CLN6: variants seen among roughly 807,000 people sequenced by gnomAD.
CLN6 encodes the protein ceroid-lipofuscinosis neuronal protein 6.
In CLN6, 22 loss-of-function variants were observed where a neutral mutation model predicts 33.3. The ratio of observed to expected loss-of-function variants is 0.66; its 90% CI spans 0.47 to 0.94. The LOEUF (loss-of-function observed/expected upper bound fraction) is 0.94, where lower values mean the gene tolerates loss of function less well. Ranked by LOEUF, CLN6 falls within the 40% of genes least tolerant of loss-of-function variation. The pLI, the probability that CLN6 is intolerant of heterozygous loss-of-function variation, is 0.00. For missense variants in CLN6, 387 were observed against 417.1 expected, an observed-to-expected ratio of 0.93 and a Z score of 0.63; for synonymous variants, 201 against 174.6, an observed-to-expected ratio of 1.15 and a Z score of -1.19.
In CLN6 at chr15:68,218,489, A is replaced by G. The variant is rs777091037; in HGVS notation, c.198+47T>C. On this transcript the variant is annotated intron_variant, in intron 2 of 6. Coordinates refer to ENST00000249806, the MANE Select transcript of CLN6 (RefSeq NM_017882.3). ...CACTCGGCAAATTCAAGCCACACTA[A>G]GTGTCCTCAGTGCTGGTCAGAGCCC... 5.1e-6 allele frequency: 7 copies of G among 1,360,348 alleles called. No homozygotes were observed. The African/African-American group carries it at 8.6e-5, about 17-fold the overall frequency. 84.3% of individuals were successfully genotyped at this position (1,360,348 alleles called of 1,614,324 possible). A position where few individuals can be genotyped will look rare whatever the true frequency, so the allele number is the denominator to read the frequency against.
intron 1 of CLN6, among the ~76,000 whole-genome samples, chr15:68,244,860 C>G (rs919010488): frequency 6.6e-6 from 1 of 151,862 alleles, no homozygotes. Context: ...TCGAGTCCAG[C>G]CTGACCAACA....
intron 1 of CLN6, among the ~76,000 whole-genome samples, chr15:68,222,291 C>T (rs1223321426): frequency 2.0e-5 from 3 of 147,230 alleles, no homozygotes; most frequent in African/African-American, 7.6e-5. Flanking sequence ...CTGGCCGCCA[C>T]CCCGTCTAGG....
chr15:68,250,456 C>G (rs887125679), intron 1 of CLN6, among the ~76,000 whole-genome samples: 1 of 151,798 alleles, frequency 6.6e-6, no homozygotes, highest in African/African-American at 2.4e-5. Flanking sequence ...GAAACCCCGT[C>G]TCTACTAAAA....
At chr15:68,253,814 T>TCAAA (rs3084580) in intron 1 of CLN6, among the ~76,000 whole-genome samples, 82,392 of 151,546 alleles carry the variant, frequency 0.54, 22,976 homozygotes, top group African/African-American at 0.6. Context: ...TCTATAAATC[T>TCAAA]CAAGTAAACT....
intron 1 of CLN6, among the ~76,000 whole-genome samples, chr15:68,237,243 G>A (rs1350494000): frequency 6.6e-5 from 10 of 151,668 alleles, no homozygotes; most frequent in Admixed American, 1.3e-4. Context: ...CACTTTGGGA[G>A]GCAGGGTGGG....
chr15:68,208,487 G>A lies in CLN6; in HGVS notation c.666-77C>T. 6.5e-7 allele frequency: 1 copy of A among 1,550,326 alleles called. No individual in the cohort carries two copies. Among genetic ancestry groups the A allele is most frequent in the Non-Finnish European group, 8.8e-7 (1 of 1,133,670 alleles). ...CTGGCATCCCTTCCTGTGTGCGAGAGCCAGGCTGCCCTCCAGGCAGGCAGA... is the reference window on the plus strand; with the variant it reads ...CTGGCATCCCTTCCTGTGTGCGAGAACCAGGCTGCCCTCCAGGCAGGCAGA... On this transcript the variant is annotated intron_variant, in intron 6 of 6. Coordinates refer to ENST00000249806, the MANE Select transcript of CLN6 (RefSeq NM_017882.3). This position sits in a 1 kb window ranked among gnomAD's most constrained non-coding sequence, Gnocchi z 5.8.
rs1158138368 is a variant in CLN6 at position 68,229,681 on chromosome 15, G to GCGGTTCGGGGCGGGC, written c.-112_-98dup. On this transcript the variant is annotated 5_prime_UTR_variant, in exon 1 of 7. Transcript: ENST00000249806. Reference sequence around the variant, plus strand: ...GGCCGCCGCAAATTCCCAGCGCGGGGCGGTTCGGGGCGGGCCGGCGAGAGC... The same window carrying GCGGTTCGGGGCGGGC: ...GGCCGCCGCAAATTCCCAGCGCGGGGCGGTTCGGGGCGGGCCGGTTCGGGGCGGGCCGGCGAGAGC... 19 of 995,960 alleles carry GCGGTTCGGGGCGGGC rather than the reference G, an allele frequency of 1.9e-5. No individual in the cohort carries two copies. In the African/African-American group the frequency reaches 2.9e-4, roughly 15 times the overall value. 61.7% of individuals were successfully genotyped at this position (995,960 alleles called of 1,614,324 possible).
At chr15:68,230,336 TAAAG>T (rs1295376148), upstream of CLN6, among the ~76,000 whole-genome samples, 1 of 152,032 alleles carries the variant, frequency 6.6e-6, no homozygotes, top group African/African-American at 2.4e-5. This position sits in a 1 kb window ranked among gnomAD's most constrained non-coding sequence, Gnocchi z 4.0. Context: ...TTCGTGTAAA[TAAAG>T]ATTCATCTTT....
chr15:68,211,946 G>A lies in CLN6; in HGVS notation c.298-83C>T. 7.0e-7 allele frequency: 1 copy of A among 1,429,626 alleles called. No homozygotes were observed. Among genetic ancestry groups the A allele is most frequent in the Non-Finnish European group, 9.7e-7 (1 of 1,031,630 alleles). 88.6% of individuals were successfully genotyped at this position (1,429,626 alleles called of 1,614,324 possible). A position where few individuals can be genotyped will look rare whatever the true frequency, so the allele number is the denominator to read the frequency against. On this transcript the variant is annotated intron_variant, in intron 3 of 6. Coordinates refer to ENST00000249806, the MANE Select transcript of CLN6 (RefSeq NM_017882.3). The surrounding 1 kb of genome is among the most constrained non-coding windows in gnomAD (Gnocchi z 5.9). ...CCTCTGCTTCCCCCCTCACACCTGG[G>A]GTGGGATGGACGCTTCCAGCTGGAA...
Position 68,256,893 on chromosome 15 carries a change from C to T in CLN6, c.-25G>A. The T allele has an allele frequency of 1.5e-6, 1 of 663,228 alleles. No homozygotes were observed. The highest frequency in any genetic ancestry group is 2.7e-6 in the Non-Finnish European group (1 of 365,996). The allele number at this position is 663,228 out of a possible 1,614,324, so 41.1% of individuals were successfully genotyped here. On this transcript the variant is annotated 5_prime_UTR_variant, in exon 1 of 7. Coordinates refer to the CLN6 transcript ENST00000538696. The surrounding 1 kb of genome is among the most constrained non-coding windows in gnomAD (Gnocchi z 4.1). ...TTTTCCGCCCAGGCAAGGTCCTGGG[C>T]GCGGCTCTGGGGAGGGTCAGGGTGC...
At chr15:68,225,451 A>T (rs2093249009) in intron 1 of CLN6, among the ~76,000 whole-genome samples, 1 of 152,186 alleles carries the variant, frequency 6.6e-6, no homozygotes, top group South Asian at 2.1e-4. Flanking sequence ...GGGTGAGGAA[A>T]GCTAAAGTTT....
intron 1 of CLN6, among the ~76,000 whole-genome samples, chr15:68,254,168 C>T (rs1391860415): frequency 2.6e-5 from 4 of 152,128 alleles, no homozygotes; most frequent in South Asian, 2.1e-4. Flanking sequence ...CGTGAGCCAC[C>T]GCGCCCGGCC....
At chr15:68,237,895 C>A (rs746786558) in intron 1 of CLN6, among the ~76,000 whole-genome samples, 18 of 152,146 alleles carry the variant, frequency 1.2e-4, no homozygotes, top group Non-Finnish European at 2.4e-4. Context: ...GCGGCCGAGG[C>A]GGGGGGATCA....
At chr15:68,253,043 T>C (rs1892395448) in intron 1 of CLN6, among the ~76,000 whole-genome samples, 1 of 152,236 alleles carries the variant, frequency 6.6e-6, no homozygotes, top group South Asian at 2.1e-4. Flanking sequence ...GTTGCATTTG[T>C]TCTTTTGATG....
rs11631520 is a variant in CLN6 at position 68,209,289 on chromosome 15, G to A, written c.665+348C>T. ...TCCCCACTTCACAGAGGTGGAAACC[G>A]CAGCCCACTACAGGGCTTGGTGTCG... On this transcript the variant is annotated intron_variant, in intron 6 of 6. Transcript: ENST00000249806. The surrounding 1 kb of genome is among the most constrained non-coding windows in gnomAD (Gnocchi z 4.9). Among the ~76,000 whole-genome samples the A allele has an allele frequency of 7.4e-4, 112 of 152,306 alleles. No homozygotes were observed. The highest frequency in any genetic ancestry group is 1.3e-3 in the Non-Finnish European group (90 of 68,026).
At chr15:68,229,752 G>A (rs1302651733), upstream of CLN6, 8 of 328,078 alleles carry the variant, frequency 2.4e-5, no homozygotes, top group East Asian at 1.2e-4. Context: ...CCCGGGGCGG[G>A]GCGGAGCGGA....
chr15:68,237,396 A>T (rs917866585), intron 1 of CLN6, among the ~76,000 whole-genome samples: 2 of 152,050 alleles, frequency 1.3e-5, no homozygotes, highest in Non-Finnish European at 2.9e-5. Context: ...CTGAAGCTGG[A>T]GGGATCCCTT....
At position 68,247,779 on chromosome 15, in the gene CLN6, A is replaced by C. The variant is rs911114144; in HGVS notation, c.179+8911T>G. On this transcript the variant is annotated intron_variant, in intron 1 of 6. Transcript: ENST00000538696. The surrounding 1 kb of genome is among the most constrained non-coding windows in gnomAD (Gnocchi z 4.2). ...CATGGTGGCTCATGCCTGTAATCTGAGCACTTTGGGAGGCTGAGCTGGGTG... is the reference window on the plus strand; with the variant it reads ...CATGGTGGCTCATGCCTGTAATCTGCGCACTTTGGGAGGCTGAGCTGGGTG... Among the ~76,000 whole-genome samples the C allele has an allele frequency of 6.6e-5, 10 of 152,188 alleles. No individual in the cohort carries two copies. Among genetic ancestry groups the C allele is most frequent in the African/African-American group, 2.4e-4 (10 of 41,424 alleles).
rs2093257327 is a variant in CLN6, at chr15:68,228,043, T to C, written c.83+1459A>G. Among the ~76,000 whole-genome samples, 1 of 152,184 alleles carries C rather than the reference T, an allele frequency of 6.6e-6. No individual in the cohort carries two copies. The highest frequency in any genetic ancestry group is 2.4e-5 in the African/African-American group (1 of 41,446). On this transcript the variant is annotated intron_variant, in intron 1 of 6. Transcript: ENST00000249806. The surrounding 1 kb of genome is among the most constrained non-coding windows in gnomAD (Gnocchi z 4.4). ...GGCGTGGGGCAGACAGCCCGGGGACTCAGCCAGTCAGGCTCCTCAGCCCAT... is the reference window on the plus strand; with the variant it reads ...GGCGTGGGGCAGACAGCCCGGGGACCCAGCCAGTCAGGCTCCTCAGCCCAT...
Sources: allele counts gnomAD v4.1 joint callset (sites outside exome capture counted in the v4.1 genomes callset), GRCh38; gene constraint gnomAD v4.1.1; non-coding constraint Gnocchi (gnomAD v3.1); transcripts MANE v1.5; gene names NCBI Gene and HGNC (gene_info 2026-07-23, HGNC 2026-07-21).